Variants in NBAS observed in about 807,000 individuals in gnomAD.
The protein encoded by NBAS is NBAS subunit of NRZ tethering complex.
Under a neutral mutation model 302.5 loss-of-function variants are expected in NBAS, and 219 were observed. That is an observed-to-expected ratio of 0.72 (90% confidence interval 0.65 to 0.81). NBAS has a LOEUF of 0.81. Ranked by LOEUF, NBAS falls within the 30% of genes least tolerant of loss-of-function variation. NBAS has a pLI of 0.00. For synonymous variants in NBAS, 1,118 were observed against 1,021.6 expected, an observed-to-expected ratio of 1.09 and a Z score of -1.80; for missense variants, 2,932 against 2,841.6, an observed-to-expected ratio of 1.03 and a Z score of -0.72.
chr2:15,465,713 TA>T (rs546062495), intron 19 of NBAS, among the ~76,000 whole-genome samples: 2 of 151,806 alleles, frequency 1.3e-5, no homozygotes, highest in African/African-American at 2.4e-5. Context: ...CTGAATTCTC[TA>T]AAAAAAAGTA....
the NBAS span, among the ~76,000 whole-genome samples, chr2:14,899,513 G>T: frequency 6.6e-6 from 1 of 152,142 alleles, no homozygotes; most frequent in Non-Finnish European, 1.5e-5. Context: ...CTCAGCACAG[G>T]CTCTTCAGAT....
the NBAS span, among the ~76,000 whole-genome samples, chr2:15,068,599 T>C: frequency 6.7e-6 from 1 of 149,598 alleles, no homozygotes; most frequent in Non-Finnish European, 1.5e-5. Flanking sequence ...TGACTATTAA[T>C]TGGCAGTTTT....
chr2:15,341,099 A>C (rs1268141129), intron 35 of NBAS, among the ~76,000 whole-genome samples: 1 of 152,194 alleles, frequency 6.6e-6, no homozygotes, highest in Non-Finnish European at 1.5e-5. Context: ...AAGTAAAAGG[A>C]GACTGGCCAG....
chr2:15,098,047 AATATATTATATTGTATATATTATATTGT>A, the NBAS span, among the ~76,000 whole-genome samples: 1 of 138 alleles, frequency 7.2e-3, no homozygotes, highest in Non-Finnish European at 0.023. Flanking sequence ...TATTGTATAT[AATATATTATATTGTATATATTATATTGT>A]ATATATTATA....
At chr2:15,017,181 C>T in the NBAS span, among the ~76,000 whole-genome samples, 6,769 of 152,028 alleles carry the variant, frequency 0.045, 344 homozygotes, top group African/African-American at 0.1. Flanking sequence ...GGATCAAAGA[C>T]CTAAATGTAA....
the NBAS span, among the ~76,000 whole-genome samples, chr2:15,054,603 T>C: frequency 2.0e-5 from 3 of 152,176 alleles, no homozygotes; most frequent in Admixed American, 1.3e-4. Flanking sequence ...CTGTACCCAA[T>C]TGAAGGGAAC....
chr2:14,955,107 T>C, the NBAS span, among the ~76,000 whole-genome samples: 1 of 152,200 alleles, frequency 6.6e-6, no homozygotes, highest in Non-Finnish European at 1.5e-5. Context: ...ATTCGGTAAA[T>C]ACACCTATTC....
intron 47 of NBAS, among the ~76,000 whole-genome samples, chr2:15,229,702 A>C (rs1667299709): frequency 6.6e-6 from 1 of 151,794 alleles, no homozygotes; most frequent in Admixed American, 6.6e-5. Context: ...GAATTGTTTG[A>C]ACCAGGGAGG....
the NBAS span, among the ~76,000 whole-genome samples, chr2:14,855,923 CAT>C: frequency 2.0e-5 from 3 of 152,204 alleles, no homozygotes; most frequent in African/African-American, 7.2e-5. Context: ...ATTGAACACA[CAT>C]AGGCAGTAGC....
At chr2:15,056,371 G>C in the NBAS span, among the ~76,000 whole-genome samples, 11 of 152,174 alleles carry the variant, frequency 7.2e-5, no homozygotes, top group African/African-American at 2.2e-4. Context: ...TGGGGTATCA[G>C]GACAACAACC....
the NBAS span, among the ~76,000 whole-genome samples, chr2:14,967,756 G>A: frequency 8.5e-5 from 13 of 152,220 alleles, no homozygotes; most frequent in African/African-American, 2.4e-4. Context: ...CAATATCATC[G>A]ACAAAGGTAA....
chr2:15,553,722 C>A (rs1273692215), intron 4 of NBAS, among the ~76,000 whole-genome samples: 1 of 150,472 alleles, frequency 6.6e-6, no homozygotes, highest in Non-Finnish European at 1.5e-5. Flanking sequence ...CTCCCTCTCT[C>A]CCCCTCGCTC....
chr2:15,314,099 A>G (rs918259549), intron 38 of NBAS, among the ~76,000 whole-genome samples: 10 of 152,244 alleles, frequency 6.6e-5, no homozygotes, highest in African/African-American at 2.4e-4. Flanking sequence ...CATGCCTGTA[A>G]TCCCAGCACT....
chr2:15,059,144 T>G, the NBAS span, among the ~76,000 whole-genome samples: 4 of 152,150 alleles, frequency 2.6e-5, no homozygotes, highest in East Asian at 7.7e-4. Flanking sequence ...AGATTTCACT[T>G]CTATATCTTG....
At chr2:15,477,542 G>A (rs73200682) in intron 13 of NBAS, among the ~76,000 whole-genome samples, 1,914 of 152,220 alleles carry the variant, frequency 0.013, 36 homozygotes, top group African/African-American at 0.043. Flanking sequence ...AAGAGCCACC[G>A]CGCCCGGCAT....
the NBAS span, among the ~76,000 whole-genome samples, chr2:14,878,209 G>A: frequency 2.6e-5 from 4 of 152,138 alleles, no homozygotes; most frequent in Non-Finnish European, 5.9e-5. Context: ...CAGACTTTAA[G>A]ATGAGTTTTC....
At chr2:14,868,595 T>C in the NBAS span, among the ~76,000 whole-genome samples, 30 of 152,324 alleles carry the variant, frequency 2.0e-4, no homozygotes, top group South Asian at 5.6e-3. Flanking sequence ...GAATTTTTTC[T>C]TAGTATGTTG....
chr2:15,333,840 T>TAAA (rs554151194), intron 35 of NBAS, among the ~76,000 whole-genome samples: 5 of 92,440 alleles, frequency 5.4e-5, no homozygotes, highest in South Asian at 3.1e-4. Flanking sequence ...ACAGTGGAGG[T>TAAA]AAAAAAAAAA....
the NBAS span, among the ~76,000 whole-genome samples, chr2:14,982,862 T>TG: frequency 7.2e-5 from 11 of 152,050 alleles, no homozygotes; most frequent in South Asian, 2.1e-4. Flanking sequence ...ATTAAGAGGT[T>TG]GGGGCAGGAA....
Sources: gnomAD v4.1 joint callset for allele counts (sites outside exome capture counted in the v4.1 genomes callset) on GRCh38, gnomAD v4.1.1 for gene constraint, MANE v1.5 for transcripts, NCBI Gene and HGNC (gene_info 2026-07-23, HGNC 2026-07-21) for gene names.